Variants in HMCN1 observed in about 807,000 individuals in gnomAD.
The protein encoded by HMCN1 is hemicentin 1.
HMCN1 carries 321 observed loss-of-function variants against 625.9 expected under a neutral mutation model. That is an observed-to-expected ratio of 0.51 (90% CI 0.47 to 0.56). HMCN1 has a LOEUF of 0.56. HMCN1 is among the 20% of genes least tolerant of loss of function. The probability of loss-of-function intolerance (pLI) is 0.00; values close to 1 mark genes in which losing one functional copy is unlikely to be tolerated. For missense variants in HMCN1, 6,588 were observed against 6,887.3 expected, an observed-to-expected ratio of 0.96 and a Z score of 1.54; for synonymous variants, 2,425 against 2,417.6, an observed-to-expected ratio of 1.00 and a Z score of -0.09.
chr1:185,988,668 C>T (rs1045466094), intron 20 of HMCN1, among the ~76,000 whole-genome samples: 7 of 152,142 alleles, frequency 4.6e-5, no homozygotes, highest in Non-Finnish European at 2.9e-5. Flanking sequence ...GTGCTGTGGC[C>T]AAGCACAGAG....
chr1:185,798,450 T>C (rs147132611), intron 1 of HMCN1, among the ~76,000 whole-genome samples: 3 of 152,332 alleles, frequency 2.0e-5, no homozygotes, highest in Non-Finnish European at 4.4e-5. Context: ...TTTCCTCAAC[T>C]ATTTTCTCAG....
Position 186,103,563 on chromosome 1 carries a change from C to T in HMCN1, c.10665C>T (p.Ile3555=), listed in dbSNP as rs1660479885. 6.2e-7 allele frequency: 1 copy of T among 1,613,832 alleles called. No individual in the cohort carries two copies. Among genetic ancestry groups the T allele is most frequent in the Non-Finnish European group, 8.5e-7 (1 of 1,179,784 alleles). ...PLELTCIASG[I]PAPKMTWMKD... is the part of the protein sequence containing the mutation. Reference sequence around the variant, plus strand: ...AACTTACCTGCATTGCTTCTGGAATCCCAGCCCCTAAAATGACCTGGATGA... The same window carrying T: ...AACTTACCTGCATTGCTTCTGGAATTCCAGCCCCTAAAATGACCTGGATGA... Residue 3555 remains isoleucine (I), a synonymous_variant, in exon 69 of 107, where the codon ATC becomes ATT. Coordinates refer to ENST00000271588, the MANE Select transcript of HMCN1 (RefSeq NM_031935.3).
At chr1:186,112,759 T>C in intron 71 of HMCN1, 53 bp from the exon 72 acceptor site, 2 of 1,604,186 alleles carry the variant, frequency 1.2e-6, no homozygotes, top group Non-Finnish European at 1.7e-6. Context: ...AAATAATATT[T>C]ATTCTCTTTT....
intron 71 of HMCN1, among the ~76,000 whole-genome samples, chr1:186,110,977 C>CT (rs557887846): frequency 0.017 from 1,017 of 61,602 alleles, 222 homozygotes; most frequent in African/African-American, 0.059. Context: ...AGAGAAAATT[C>CT]TTTTTTTTTT....
At chr1:185,972,875 T>C (rs1650927597) in intron 15 of HMCN1, among the ~76,000 whole-genome samples, 3 of 152,170 alleles carry the variant, frequency 2.0e-5, no homozygotes, top group African/African-American at 4.8e-5. Context: ...ATAACAAAGG[T>C]TGAACAGACC....
intron 15 of HMCN1, among the ~76,000 whole-genome samples, chr1:185,974,828 T>C (rs1651083959): frequency 6.6e-6 from 1 of 152,194 alleles, no homozygotes; most frequent in African/African-American, 2.4e-5. Flanking sequence ...AATGCTGTTC[T>C]CAAAGCTGCT....
intron 4 of HMCN1, among the ~76,000 whole-genome samples, chr1:185,898,018 C>A (rs1298632363): frequency 2.0e-5 from 3 of 152,076 alleles, no homozygotes; most frequent in African/African-American, 7.2e-5. Context: ...GTATTAATAG[C>A]AAAACTGAAT....
chr1:185,840,795 G>C (rs1345767149), intron 1 of HMCN1, among the ~76,000 whole-genome samples: 3 of 152,022 alleles, frequency 2.0e-5, no homozygotes, highest in Non-Finnish European at 2.9e-5. Flanking sequence ...GGGGGTTCTT[G>C]TTTTAGCTTT....
chr1:186,119,129 A>T lies in HMCN1; in HGVS notation c.11849-62A>T, dbSNP rs889876058. 32 of 1,241,864 alleles carry T rather than the reference A, an allele frequency of 2.6e-5. No individual in the cohort carries two copies. In the African/African-American group the frequency reaches 4.7e-4, roughly 18 times the overall value. The allele number at this position is 1,241,864 out of a possible 1,614,324, so 76.9% of individuals were successfully genotyped here. On this transcript the variant is annotated intron_variant, in intron 77 of 106. Transcript: ENST00000271588. ...CAGAAAACACACAAAAGAGAGTCAA[A>T]TTTTATTGAACTAAAAAAACTGAGA...
chr1:186,167,453 G>A (rs1651949689), intron 100 of HMCN1, among the ~76,000 whole-genome samples: 1 of 152,114 alleles, frequency 6.6e-6, no homozygotes, highest in Non-Finnish European at 1.5e-5. Context: ...CACCAGGGCG[G>A]TACGTTTGTT....
chr1:185,787,569 A>T (rs1424085376), intron 1 of HMCN1, among the ~76,000 whole-genome samples: 4 of 152,234 alleles, frequency 2.6e-5, no homozygotes, highest in Non-Finnish European at 4.4e-5. Context: ...AGAGAAAATC[A>T]TAAAAATCCT....
rs555464502 is a variant in HMCN1 at position 185,957,704 on chromosome 1, A to T, written c.1829-4814A>T. On this transcript the variant is annotated intron_variant, in intron 11 of 106. Transcript: ENST00000271588. ...CTCCTTGATGTTTTTCTGTATGAACATTAGAAGTAATAATTTGTCTTCTAT... is the reference window on the plus strand; with the variant it reads ...CTCCTTGATGTTTTTCTGTATGAACTTTAGAAGTAATAATTTGTCTTCTAT... Among the ~76,000 whole-genome samples the T allele has an allele frequency of 7.2e-5, 11 of 152,312 alleles. No individual in the cohort carries two copies. The South Asian group carries it at 2.1e-3, about 29-fold the overall frequency.
chr1:186,098,062 TAA>T (rs944263204), intron 68 of HMCN1, among the ~76,000 whole-genome samples: 1 of 152,022 alleles, frequency 6.6e-6, no homozygotes, highest in African/African-American at 2.4e-5. Context: ...CAAAATGGAT[TAA>T]AGAGTTAAAT....
At chr1:185,854,569 T>C (rs186063741) in intron 2 of HMCN1, among the ~76,000 whole-genome samples, 30 of 152,312 alleles carry the variant, frequency 2.0e-4, no homozygotes, top group Non-Finnish European at 4.0e-4. Context: ...TGAATACTGA[T>C]TCTGTCATCA....
At chr1:185,811,510 G>A (rs1438912938) in intron 1 of HMCN1, among the ~76,000 whole-genome samples, 1 of 152,028 alleles carries the variant, frequency 6.6e-6, no homozygotes, top group Non-Finnish European at 1.5e-5. Flanking sequence ...AGGTGGGAAG[G>A]ATTGCTTAGG....
intron 97 of HMCN1, among the ~76,000 whole-genome samples, chr1:186,163,434 G>A (rs922004069): frequency 1.3e-5 from 2 of 152,142 alleles, no homozygotes; most frequent in East Asian, 3.9e-4. Flanking sequence ...CCCACTGTCT[G>A]GCACTCCCTA....
chr1:186,020,621 C>T (rs56822103), intron 35 of HMCN1, among the ~76,000 whole-genome samples: 2,732 of 152,014 alleles, frequency 0.018, 83 homozygotes, highest in African/African-American at 0.063. Context: ...TAAGAGAAAA[C>T]CTAGAGGTGT....
chr1:185,806,135 G>T (rs576617159), intron 1 of HMCN1, among the ~76,000 whole-genome samples: 3 of 152,032 alleles, frequency 2.0e-5, no homozygotes, highest in African/African-American at 7.2e-5. Flanking sequence ...ATAGTTCTAA[G>T]TTCTTTCATT....
At chr1:186,022,194 T>C (rs547119378) in intron 35 of HMCN1, among the ~76,000 whole-genome samples, 25 of 152,154 alleles carry the variant, frequency 1.6e-4, no homozygotes, top group African/African-American at 6.0e-4. Context: ...ATCCTGTAAA[T>C]TTAGGATGCA....
Sources: allele counts gnomAD v4.1 joint callset (sites outside exome capture counted in the v4.1 genomes callset), GRCh38; gene constraint gnomAD v4.1.1; transcripts MANE v1.5; gene names NCBI Gene and HGNC (gene_info 2026-07-23, HGNC 2026-07-21).